STK32C: variants seen among roughly 807,000 people sequenced by gnomAD.
STK32C encodes serine/threonine-protein kinase 32C.
Under a neutral mutation model 56.5 loss-of-function variants are expected in STK32C, and 31 were observed. That is an observed-to-expected ratio of 0.55 (90% confidence interval 0.41 to 0.74). The LOEUF is 0.74. Ranked by LOEUF, STK32C falls within the 30% of genes least tolerant of loss-of-function variation. The pLI, the probability that STK32C is intolerant of heterozygous loss-of-function variation, is 0.00. For missense variants in STK32C, 544 were observed against 676.9 expected, an observed-to-expected ratio of 0.80 and a Z score of 2.18; for synonymous variants, 309 against 289.4, an observed-to-expected ratio of 1.07 and a Z score of -0.69.
intron 2 of STK32C, among the ~76,000 whole-genome samples, chr10:132,244,356 C>T (rs551802300): frequency 3.3e-5 from 5 of 152,344 alleles, no homozygotes; most frequent in African/African-American, 9.6e-5. Context: ...AGGACTGGTC[C>T]AAGGAGTAGA....
intron 1 of STK32C, among the ~76,000 whole-genome samples, chr10:132,266,850 G>A (rs906571949): frequency 6.6e-6 from 1 of 152,058 alleles, no homozygotes; most frequent in Non-Finnish European, 1.5e-5. Context: ...AGCAGGACCT[G>A]GGGGCAGCTC....
chr10:132,220,795 AG>A (rs2062612780), intron 10 of STK32C, among the ~76,000 whole-genome samples: 1 of 152,190 alleles, frequency 6.6e-6, no homozygotes, highest in African/African-American at 2.4e-5. Flanking sequence ...GCACCTGACA[AG>A]GCCACGACCT....
intron 10 of STK32C, 62 bp downstream of exon 10, chr10:132,222,579 G>C (rs867540814): frequency 5.7e-6 from 9 of 1,588,546 alleles, no homozygotes; most frequent in Non-Finnish European, 6.8e-6. Flanking sequence ...GCCTTGCTCG[G>C]TGGTAGAGAG....
At chr10:132,327,753 A>C (rs1023148455) in intron 1 of STK32C, among the ~76,000 whole-genome samples, 8 of 152,220 alleles carry the variant, frequency 5.3e-5, no homozygotes, top group Non-Finnish European at 1.2e-4. Flanking sequence ...CTGGGATTAC[A>C]GGTGTGAGCC....
At chr10:132,224,144 C>T (rs2062787655) in intron 8 of STK32C, among the ~76,000 whole-genome samples, 1 of 152,130 alleles carries the variant, frequency 6.6e-6, no homozygotes, top group South Asian at 2.1e-4. Flanking sequence ...GTGAGGGTGC[C>T]TGGAGACGCA....
At chr10:132,256,769 G>A (rs1033707310) in intron 1 of STK32C, among the ~76,000 whole-genome samples, 7 of 152,096 alleles carry the variant, frequency 4.6e-5, no homozygotes, top group Admixed American at 1.3e-4. Context: ...CTCCAAGGCC[G>A]CCTGGCCCTG....
intron 1 of STK32C, among the ~76,000 whole-genome samples, chr10:132,268,048 T>C (rs1159729908): frequency 2.0e-5 from 3 of 150,400 alleles, no homozygotes; most frequent in Admixed American, 2.0e-4. Flanking sequence ...TATGCCTGTC[T>C]GTGTGCCCAC....
chr10:132,258,049 C>T (rs941316818), intron 1 of STK32C, among the ~76,000 whole-genome samples: 1 of 152,246 alleles, frequency 6.6e-6, no homozygotes, highest in Non-Finnish European at 1.5e-5. Context: ...TGTCCCTGTC[C>T]TTGTCACCCC....
downstream of STK32C, among the ~76,000 whole-genome samples, chr10:132,321,138 G>A (rs983637846): frequency 5.9e-5 from 9 of 152,286 alleles, no homozygotes; most frequent in Middle Eastern, 3.4e-3. Flanking sequence ...GGATGCCAGC[G>A]AAGTGGGCCC....
At chr10:132,242,603 G>A (rs2063544291) in intron 2 of STK32C, among the ~76,000 whole-genome samples, 1 of 152,080 alleles carries the variant, frequency 6.6e-6, no homozygotes, top group South Asian at 2.1e-4. Flanking sequence ...AGCCCCCGCT[G>A]CTTCTCCGAG....
intron 1 of STK32C, among the ~76,000 whole-genome samples, chr10:132,328,097 T>C (rs1590524769): frequency 1.3e-5 from 2 of 152,108 alleles, no homozygotes; most frequent in African/African-American, 4.8e-5. Flanking sequence ...GGAATTGCAA[T>C]GGAGAAAGAG....
intron 1 of STK32C, among the ~76,000 whole-genome samples, chr10:132,316,755 T>C (rs2138444658): frequency 6.6e-6 from 1 of 152,266 alleles, no homozygotes; most frequent in Admixed American, 6.5e-5. Flanking sequence ...CATTCTAGAA[T>C]CTAAAGATAC....
intron 8 of STK32C, among the ~76,000 whole-genome samples, chr10:132,223,470 C>T (rs1183112599): frequency 6.6e-6 from 1 of 152,256 alleles, no homozygotes; most frequent in African/African-American, 2.4e-5. Context: ...AGGGAAAATG[C>T]CGCAGACCCA....
intron 1 of STK32C, among the ~76,000 whole-genome samples, chr10:132,316,005 A>G (rs7895073): frequency 0.28 from 41,835 of 152,116 alleles, 6,323 homozygotes; most frequent in African/African-American, 0.37. Flanking sequence ...ATAAAACCCA[A>G]ACTAATAAAA....
At chr10:132,319,643 AG>A (rs1463115521), downstream of STK32C, among the ~76,000 whole-genome samples, 1 of 152,234 alleles carries the variant, frequency 6.6e-6, no homozygotes, top group Non-Finnish European at 1.5e-5. Flanking sequence ...GTGTAGAGTC[AG>A]TGCTTCCCTA....
At chr10:132,282,480 C>T (rs1398388090) in intron 1 of STK32C, among the ~76,000 whole-genome samples, 1 of 108,544 alleles carries the variant, frequency 9.2e-6, no homozygotes, top group Non-Finnish European at 1.7e-5. Context: ...TGTACCTGCG[C>T]CCACCTGTGC....
At chr10:132,232,385 CCT>C (rs1237357021) in intron 2 of STK32C, among the ~76,000 whole-genome samples, 1 of 152,114 alleles carries the variant, frequency 6.6e-6, no homozygotes, top group East Asian at 1.9e-4. Context: ...CCCTCGGGCC[CCT>C]GATGCAGGAG....
rs573582048 is a variant in STK32C at position 132,247,571 on chromosome 10, G to A, written c.263-1616C>T. Among the ~76,000 whole-genome samples the A allele has an allele frequency of 1.6e-3, 243 of 152,304 alleles. 1 individual carries two copies. The highest frequency in any genetic ancestry group is 5.7e-3 in the African/African-American group (236 of 41,550). ...TCCAGGACAAGTAGGCATCAGCTGG[G>A]GGAAGGGAGGGGGTGCCTAGGTGAG... On this transcript the variant is annotated intron_variant, in intron 1 of 11. Transcript: ENST00000298630.
At chr10:132,225,384 G>C in intron 6 of STK32C, 48 bp from the exon 7 acceptor site, 1 of 1,587,156 alleles carries the variant, frequency 6.3e-7, no homozygotes, top group South Asian at 1.1e-5. Flanking sequence ...GTCACAGCCC[G>C]GACCCGTGGG....
Sources: allele counts gnomAD v4.1 joint callset (sites outside exome capture counted in the v4.1 genomes callset), GRCh38; gene constraint gnomAD v4.1.1; transcripts MANE v1.5; gene names NCBI Gene and HGNC (gene_info 2026-07-23, HGNC 2026-07-21).